The following DLGAP2 variants were observed in gnomAD, a reference collection of about 807,000 sequenced individuals.
DLGAP2 encodes disks large-associated protein 2.
A neutral mutation model predicts 100.3 loss-of-function variants in DLGAP2; 26 were observed. That is an observed-to-expected ratio of 0.26 (90% CI 0.19 to 0.36). DLGAP2 has a LOEUF of 0.36. Ranked by LOEUF, DLGAP2 falls within the 10% of genes least tolerant of loss-of-function variation. The pLI, the probability that DLGAP2 is intolerant of heterozygous loss-of-function variation, is 1.00. For synonymous variants in DLGAP2, 886 were observed against 630.1 expected, an observed-to-expected ratio of 1.41 and a Z score of -6.08; for missense variants, 1,858 against 1,453.2, an observed-to-expected ratio of 1.28 and a Z score of -4.53.
chr8:1,004,552 C>T (rs974432754), intron 2 of DLGAP2, among the ~76,000 whole-genome samples: 8 of 152,204 alleles, frequency 5.3e-5, no homozygotes, highest in East Asian at 1.9e-4. Context: ...TTTGGCCTCA[C>T]GACTCTCTTG....
At chr8:1,343,755 C>G (rs932245206) in intron 3 of DLGAP2, among the ~76,000 whole-genome samples, 1 of 151,924 alleles carries the variant, frequency 6.6e-6, no homozygotes, top group South Asian at 2.1e-4. Context: ...GGAACGGAGG[C>G]CTCTCCAAGA....
At position 1,678,485 on chromosome 8, in the gene DLGAP2, G is replaced by C; in HGVS notation, c.2560G>C (p.Asp854His). Residue 854 changes from aspartate to histidine, a missense_variant, in exon 12 of 15, where the codon GAC becomes CAC. By Grantham distance (81) the Asp-to-His change is moderately conservative. Coordinates refer to ENST00000637795, the MANE Select transcript of DLGAP2 (RefSeq NM_001346810.2). ...PPDPWLEPAI[D>H]TVETGRMSPC... The stretch of plus-strand genomic sequence containing the variant: ...AGACCCCTGGCTGGAGCCCGCCATC[G>C]ACACGGTAGAGACTGGGAGGATGTC... 1.2e-6 allele frequency: 2 copies of C among 1,613,092 alleles called. No homozygotes were observed. The highest frequency in any genetic ancestry group is 1.3e-5 in the African/African-American group (1 of 75,012).
intron 1 of DLGAP2, among the ~76,000 whole-genome samples, chr8:759,728 T>TA (rs1413223312): frequency 6.6e-6 from 1 of 152,210 alleles, no homozygotes; most frequent in Non-Finnish European, 1.5e-5. Context: ...GGGGATGACT[T>TA]ACACGCCCCT....
intron 2 of DLGAP2, among the ~76,000 whole-genome samples, chr8:1,026,901 T>G (rs1801816808): frequency 6.6e-6 from 1 of 152,250 alleles, no homozygotes; most frequent in Non-Finnish European, 1.5e-5. Flanking sequence ...TTCTAAAGGT[T>G]ATCGCTAAAC....
chr8:1,335,859 A>C (rs1364155143), intron 3 of DLGAP2, among the ~76,000 whole-genome samples: 1 of 152,220 alleles, frequency 6.6e-6, no homozygotes, highest in African/African-American at 2.4e-5. Context: ...AAACTAAGGG[A>C]AGCAAAGTGT....
intron 3 of DLGAP2, among the ~76,000 whole-genome samples, chr8:1,382,644 A>T (rs1444021754): frequency 6.6e-6 from 1 of 152,164 alleles, no homozygotes; most frequent in Non-Finnish European, 1.5e-5. Context: ...TTGCAGGCTG[A>T]GGTGGGAAGA....
chr8:1,132,554 C>T (rs188773782), intron 2 of DLGAP2, among the ~76,000 whole-genome samples: 2 of 152,358 alleles, frequency 1.3e-5, no homozygotes, highest in African/African-American at 4.8e-5. Context: ...TATATGTGTA[C>T]ACCTTGATAT....
At chr8:1,641,257 G>T (rs1797891892) in intron 8 of DLGAP2, among the ~76,000 whole-genome samples, 1 of 152,174 alleles carries the variant, frequency 6.6e-6, no homozygotes, top group Non-Finnish European at 1.5e-5. Flanking sequence ...ATCTGTATCA[G>T]GAACTGCATA....
intron 3 of DLGAP2, among the ~76,000 whole-genome samples, chr8:1,420,552 A>T (rs1289668931): frequency 7.9e-5 from 12 of 152,174 alleles, no homozygotes; most frequent in Non-Finnish European, 1.5e-4. Flanking sequence ...TAAGCTATCC[A>T]CAGTATACCT....
At chr8:1,097,261 C>T (rs1354251521) in intron 2 of DLGAP2, among the ~76,000 whole-genome samples, 1 of 133,548 alleles carries the variant, frequency 7.5e-6, no homozygotes, top group East Asian at 2.4e-4. Flanking sequence ...GCGTGAGACC[C>T]AGCTCCCTCT....
Position 1,703,399 on chromosome 8 carries a change from G to T in DLGAP2, c.*1993G>T, listed in dbSNP as rs1031762043. Reference sequence around the variant, plus strand: ...ACCTAAATGAATACCTAAATCTTGAGTAGTGTACGGTAATGACGCTTCTTC... The same window carrying T: ...ACCTAAATGAATACCTAAATCTTGATTAGTGTACGGTAATGACGCTTCTTC... On this transcript the variant is annotated 3_prime_UTR_variant, in exon 15 of 15. Coordinates refer to ENST00000637795, the MANE Select transcript of DLGAP2 (RefSeq NM_001346810.2). The T allele has an allele frequency of 6.6e-6, 1 of 152,420 alleles. No individual in the cohort carries two copies. Among genetic ancestry groups the T allele is most frequent in the Non-Finnish European group, 1.5e-5 (1 of 68,026 alleles). 9.4% of individuals were successfully genotyped at this position (152,420 alleles called of 1,614,324 possible).
At chr8:1,004,174 A>G (rs1801041286) in intron 2 of DLGAP2, among the ~76,000 whole-genome samples, 1 of 152,194 alleles carries the variant, frequency 6.6e-6, no homozygotes, top group South Asian at 2.1e-4. Flanking sequence ...AATTGTTCCT[A>G]CAAATGGAAA....
At chr8:746,225 G>T (rs559882636) in intron 1 of DLGAP2, among the ~76,000 whole-genome samples, 1 of 152,344 alleles carries the variant, frequency 6.6e-6, no homozygotes, top group South Asian at 2.1e-4. Context: ...CACACCCCAT[G>T]CGACTTATTT....
intron 2 of DLGAP2, among the ~76,000 whole-genome samples, chr8:1,228,955 G>T (rs1399354823): frequency 6.6e-6 from 1 of 152,092 alleles, no homozygotes; most frequent in African/African-American, 2.4e-5. Context: ...AAAAGAAAAA[G>T]CATTCCTATT....
chr8:1,257,053 C>G (rs902678818), intron 2 of DLGAP2, among the ~76,000 whole-genome samples: 4 of 152,156 alleles, frequency 2.6e-5, no homozygotes, highest in Non-Finnish European at 5.9e-5. Flanking sequence ...TCTCCCGTCC[C>G]CTCCACCGGC....
intron 2 of DLGAP2, among the ~76,000 whole-genome samples, chr8:1,079,241 G>T (rs184144828): frequency 1.3e-5 from 2 of 152,122 alleles, no homozygotes; most frequent in East Asian, 3.9e-4. Flanking sequence ...TTTTTAATTG[G>T]ATTGTTTTTC....
chr8:1,098,753 G>A (rs1407838525), intron 2 of DLGAP2, among the ~76,000 whole-genome samples: 1 of 136,740 alleles, frequency 7.3e-6, no homozygotes, highest in Non-Finnish European at 1.6e-5. Context: ...GCTCCCGGCC[G>A]CCCACGGGCG....
intron 6 of DLGAP2, among the ~76,000 whole-genome samples, chr8:1,582,154 C>G (rs375005316): frequency 6.7e-6 from 1 of 148,240 alleles, no homozygotes; most frequent in Admixed American, 6.7e-5. Flanking sequence ...CACATGTACA[C>G]ACCACAGTCA....
chr8:1,216,013 A>G (rs1436448131), intron 2 of DLGAP2, among the ~76,000 whole-genome samples: 3 of 152,198 alleles, frequency 2.0e-5, no homozygotes, highest in African/African-American at 7.2e-5. Context: ...GGAGACGTCT[A>G]GGCTCATGCA....
Sources: allele counts gnomAD v4.1 joint callset (sites outside exome capture counted in the v4.1 genomes callset), GRCh38; gene constraint gnomAD v4.1.1; transcripts MANE v1.5; gene names NCBI Gene and HGNC (gene_info 2026-07-23, HGNC 2026-07-21).